ADAM28: variants seen among roughly 807,000 people sequenced by gnomAD.
ADAM28 encodes the protein ADAM metallopeptidase domain 28, also known as disintegrin and metalloproteinase domain-containing protein 28.
In ADAM28, 105 loss-of-function variants were observed where a neutral mutation model predicts 101.2. That is an observed-to-expected ratio of 1.04 (90% CI 0.89 to 1.22). The LOEUF is 1.22. ADAM28 is among the 50% of genes most tolerant of loss of function. The pLI is 0.00. For synonymous variants in ADAM28, 322 were observed against 310.6 expected (o/e 1.04, Z -0.39); for missense variants, 1,028 against 945.4 (o/e 1.09, Z -1.15).
chr8:24,326,595 T>C lies in ADAM28; in HGVS notation c.932T>C (p.Met311Thr). 1.2e-6 allele frequency: 2 copies of C among 1,612,266 alleles called. No individual in the cohort carries two copies. The highest frequency in any genetic ancestry group is 1.7e-6 in the Non-Finnish European group (2 of 1,178,796). Residue 311 changes from methionine (M) to threonine (T), a missense_variant, in exon 10 of 23, where the codon ATG (methionine) becomes ACG (threonine). Physicochemically the swap from Met to Thr is moderately conservative, Grantham distance 81. Coordinates refer to ENST00000265769, the MANE Select transcript of ADAM28 (RefSeq NM_014265.6). ...LAGTTVGLAF[M>T]STMCSPYSVG... ...GGAACGACTGTGGGTCTTGCATTTA[T>C]GTCTACAATGTGTTCTCCTTATTCT...
intron 18 of ADAM28, among the ~76,000 whole-genome samples, chr8:24,344,772 C>A (rs548913839): frequency 7.2e-5 from 11 of 152,102 alleles, no homozygotes; most frequent in Non-Finnish European, 8.8e-5. Context: ...CTATGACTTT[C>A]TTGACTGCTT....
intron 14 of ADAM28, among the ~76,000 whole-genome samples, chr8:24,336,925 G>GA (rs1185663667): frequency 4.6e-5 from 7 of 152,254 alleles, no homozygotes; most frequent in Admixed American, 3.9e-4. Flanking sequence ...TTAAAATAGA[G>GA]AAAATCTACA....
Position 24,323,986 on chromosome 8 carries a change from T to A in ADAM28, c.873T>A (p.Asp291Glu). 1 of 1,611,888 alleles carries A rather than the reference T, an allele frequency of 6.2e-7. No individual in the cohort carries two copies. The highest frequency in any genetic ancestry group is 1.1e-5 in the South Asian group (1 of 91,004). Residue 291 changes from aspartate (D) to glutamate (E), a missense_variant, in exon 9 of 23, where the codon GAT becomes GAA. Physicochemically the swap from Asp to Glu is conservative, Grantham distance 45 (BLOSUM62 2). Coordinates refer to ENST00000265769, the MANE Select transcript of ADAM28 (RefSeq NM_014265.6). The part of the protein sequence containing the change: ...GSVLSRRKRH[D>E]IAQLITATEL... ...TTCTCTCAAGAAGAAAGCGTCATGA[T>A]ATTGCTCAGTTAATCACGTATGTAC...
intron 18 of ADAM28, among the ~76,000 whole-genome samples, chr8:24,344,564 A>G (rs905704848): frequency 2.0e-5 from 3 of 152,128 alleles, no homozygotes; most frequent in African/African-American, 7.2e-5. Context: ...TTTAGTCTAT[A>G]TTTATTGTTT....
At chr8:24,329,831 C>T (rs1813097746) in intron 10 of ADAM28, among the ~76,000 whole-genome samples, 154 bp from the exon 11 acceptor site, 1 of 148,890 alleles carries the variant, frequency 6.7e-6, no homozygotes, top group African/African-American at 2.6e-5. Flanking sequence ...CCATTTAGTA[C>T]TCTCTCTCTC....
At position 24,333,908 on chromosome 8, in the gene ADAM28, CT is replaced by C. The variant is rs577736023; in HGVS notation, c.1371+1162del. Among the ~76,000 whole-genome samples, 678 of 152,272 alleles carry C rather than the reference CT, an allele frequency of 4.5e-3. 5 individuals carry two copies. Among genetic ancestry groups the C allele is most frequent in the African/African-American group, 0.016 (658 of 41,546 alleles). ...CTCCTAAGGCCAGAAGACAGATTCA[CT>C]TTCACCTAGCACAGAATTTCATACA... On this transcript the variant is annotated intron_variant, in intron 13 of 22. Transcript: ENST00000265769.
chr8:24,306,769 T>G (rs1047044464), intron 2 of ADAM28, among the ~76,000 whole-genome samples: 1 of 152,212 alleles, frequency 6.6e-6, no homozygotes, highest in Non-Finnish European at 1.5e-5. Flanking sequence ...TCCTATCCTG[T>G]GGCTTTTGAT....
At chr8:24,300,732 G>T (rs995924198) in intron 2 of ADAM28, among the ~76,000 whole-genome samples, 1 of 152,106 alleles carries the variant, frequency 6.6e-6, no homozygotes, top group Non-Finnish European at 1.5e-5. Flanking sequence ...AACATTTTAT[G>T]ATGATTTATT....
rs1285752340 is a variant in ADAM28 at position 24,323,873 on chromosome 8, A to G, written c.760A>G (p.Met254Val). 21 of 1,612,134 alleles carry G rather than the reference A, an allele frequency of 1.3e-5. No individual in the cohort carries two copies. The highest frequency in any genetic ancestry group is 1.8e-5 in the Non-Finnish European group (21 of 1,178,738). ...CAATACTCATGTGGCCTTAGTTGGT[A>G]TGGAAATCTGGACTGACAAGGATAA... ...KLNTHVALVG[M>V]EIWTDKDKIK... The change falls in exon 9 of 23, where the codon ATG (methionine) becomes GTG (valine). Residue 254 changes from methionine (M) to valine (V), a missense_variant. Transcript: ENST00000265769.
rs1814992960 is a variant in ADAM28 at position 24,343,182 on chromosome 8, G to A, written c.1911+1G>A. 1.2e-6 allele frequency: 2 copies of A among 1,613,498 alleles called. No homozygotes were observed. Among genetic ancestry groups the A allele is most frequent in the East Asian group, 2.2e-5 (1 of 44,866 alleles). The stretch of plus-strand genomic sequence containing the variant: ...CTCATCTAAGTGCAAAGGACATGCT[G>A]TAAGTTCTGAAAATATGTTTCCCTA... On this transcript the variant is annotated splice_donor_variant, in intron 17 of 22. Coordinates refer to ENST00000265769, the MANE Select transcript of ADAM28 (RefSeq NM_014265.6). LOFTEE classifies it high-confidence loss of function.
In ADAM28 at chr8:24,343,114, C is replaced by A. The variant is rs200915575; in HGVS notation, c.1844C>A (p.Ala615Glu). 8.7e-6 allele frequency: 14 copies of A among 1,613,712 alleles called. No individual in the cohort carries two copies. The highest frequency in any genetic ancestry group is 2.2e-5 in the East Asian group (1 of 44,844). ...KCGDNKVCIN[A>E]ECVDIEKAYK... The stretch of plus-strand genomic sequence containing the variant: ...CATCACTTTCAGGTTTGCATTAATG[C>A]AGAATGTGTGGATATTGAGAAAGCC... Residue 615 changes from alanine (A) to glutamate (E), a missense_variant, in exon 17 of 23, where the codon GCA becomes GAA. Ala to Glu is a moderately radical substitution (Grantham distance 107). Coordinates refer to ENST00000265769, the MANE Select transcript of ADAM28 (RefSeq NM_014265.6).
chr8:24,313,108 T>C (rs920994336), intron 5 of ADAM28, among the ~76,000 whole-genome samples: 4 of 152,196 alleles, frequency 2.6e-5, no homozygotes, highest in African/African-American at 9.6e-5. Context: ...GTACCAAGTG[T>C]CAGGAAATAT....
At chr8:24,308,190 G>A (rs973294957) in intron 2 of ADAM28, among the ~76,000 whole-genome samples, 9 of 151,974 alleles carry the variant, frequency 5.9e-5, no homozygotes, top group African/African-American at 1.9e-4. Context: ...AAATCAAGGT[G>A]CATCTTACTT....
chr8:24,302,190 G>C (rs1430626517), intron 2 of ADAM28, among the ~76,000 whole-genome samples: 1 of 152,150 alleles, frequency 6.6e-6, no homozygotes, highest in African/African-American at 2.4e-5. Flanking sequence ...AACATGTGGT[G>C]TTTGGTTTTC....
At chr8:24,308,594 T>A (rs777865227) in intron 2 of ADAM28, 5 of 456,214 alleles carry the variant, frequency 1.1e-5, no homozygotes, top group South Asian at 7.7e-5. Flanking sequence ...TAAGAGGTTA[T>A]GACTATTCTG....
intron 15 of ADAM28, chr8:24,341,273 T>C (rs767475982): frequency 1.9e-5 from 4 of 212,774 alleles, no homozygotes; most frequent in Admixed American, 5.9e-5. Flanking sequence ...TGAGAAAATG[T>C]TGAGAAATAG....
chr8:24,330,496 C>T (rs1813227171), intron 11 of ADAM28, among the ~76,000 whole-genome samples: 1 of 152,140 alleles, frequency 6.6e-6, no homozygotes, highest in South Asian at 2.1e-4. Context: ...TATGAAAAGA[C>T]ATCACACATT....
chr8:24,350,685 T>C (rs2129340472), intron 19 of ADAM28, among the ~76,000 whole-genome samples: 1 of 152,280 alleles, frequency 6.6e-6, no homozygotes, highest in East Asian at 1.9e-4. Context: ...ATGAGTTTCA[T>C]TTTACAGATG....
rs1325316880 is a variant in ADAM28, at chr8:24,357,641, CA to C, written c.*3239del. 17 of 152,134 alleles carry C rather than the reference CA, an allele frequency of 1.1e-4. No homozygotes were observed. Among genetic ancestry groups the C allele is most frequent in the Admixed American group, 3.9e-4 (6 of 15,272 alleles). 9.4% of individuals were successfully genotyped at this position (152,134 alleles called of 1,614,324 possible). ...CTCCCTCAACATGTGGAGATTATAG[CA>C]ATTAAAAAAATGAGATTTGGGGGGA... On this transcript the variant is annotated 3_prime_UTR_variant, in exon 23 of 23. Transcript: ENST00000265769.
Sources: gnomAD v4.1 joint callset for allele counts (sites outside exome capture counted in the v4.1 genomes callset) on GRCh38, gnomAD v4.1.1 for gene constraint, MANE v1.5 for transcripts, NCBI Gene and HGNC (gene_info 2026-07-23, HGNC 2026-07-21) for gene names.